Variants in SPATA16 observed in about 807,000 individuals in gnomAD.
SPATA16 encodes spermatogenesis associated 16, also known as spermatogenesis-associated protein 16.
Under a neutral mutation model 63.3 loss-of-function variants are expected in SPATA16, and 36 were observed. The ratio of observed to expected loss-of-function variants is 0.57; its 90% CI spans 0.44 to 0.75. The LOEUF (loss-of-function observed/expected upper bound fraction) is 0.75. Among genes scored for constraint, SPATA16 ranks in the 30% least tolerant of loss-of-function variants. The probability of loss-of-function intolerance (pLI) is 0.00; values close to 1 mark genes in which losing one functional copy is unlikely to be tolerated. For missense variants in SPATA16, 646 were observed against 679.3 expected (o/e 0.95, Z 0.54); for synonymous variants, 203 against 216.7 (o/e 0.94, Z 0.56).
At chr3:172,989,649 A>G (rs1734532346) in intron 4 of SPATA16, among the ~76,000 whole-genome samples, 1 of 152,218 alleles carries the variant, frequency 6.6e-6, no homozygotes, top group African/African-American at 2.4e-5. Flanking sequence ...CAGAAGGAGT[A>G]AATGCCCTGT....
chr3:173,123,423 G>A (rs1213431671), intron 1 of SPATA16, among the ~76,000 whole-genome samples: 1 of 151,916 alleles, frequency 6.6e-6, no homozygotes, highest in African/African-American at 2.4e-5. Flanking sequence ...TGCACCCCAA[G>A]TTGATTGGGA....
At chr3:173,015,861 G>GGTGTGT (rs57049586) in intron 4 of SPATA16, among the ~76,000 whole-genome samples, 55 of 148,846 alleles carry the variant, frequency 3.7e-4, no homozygotes, top group South Asian at 8.7e-4. Flanking sequence ...TCCCAAATGG[G>GGTGTGT]GTGTGTGTGT....
chr3:172,924,141 C>T lies in SPATA16; in HGVS notation c.1338+67G>A, dbSNP rs1485942820. Reference sequence around the variant, plus strand: ...ACACTTGCACTATTTGCCATGTAAGCCTTATATACTTCTAGAATTCTCTAA... The same window carrying T: ...ACACTTGCACTATTTGCCATGTAAGTCTTATATACTTCTAGAATTCTCTAA... On this transcript the variant is annotated intron_variant, in intron 8 of 10. Coordinates refer to ENST00000351008, the MANE Select transcript of SPATA16 (RefSeq NM_031955.6). The T allele has an allele frequency of 5.4e-6, 7 of 1,285,054 alleles. No individual in the cohort carries two copies. The South Asian group carries it at 6.0e-5, about 11-fold the overall frequency. 79.6% of individuals were successfully genotyped at this position (1,285,054 alleles called of 1,614,324 possible).
chr3:172,977,420 C>G (rs1577115312), intron 4 of SPATA16, among the ~76,000 whole-genome samples: 4 of 152,236 alleles, frequency 2.6e-5, no homozygotes, highest in East Asian at 1.9e-4. Context: ...GCTCTTCAAA[C>G]CTAGCATAGC....
rs1560057740 is a variant in SPATA16 at position 172,889,703 on chromosome 3, T to C, written c.1588-11A>G. 6.2e-7 allele frequency: 1 copy of C among 1,612,222 alleles called. No homozygotes were observed. The highest frequency in any genetic ancestry group is 1.7e-5 in the Admixed American group (1 of 59,958). ...TTCAATTTGTCCAACCTAGAAGAAA[T>C]AAACAGATGCAACAAGATTTGTTGT... On this transcript the variant is annotated splice_polypyrimidine_tract_variant and intron_variant, in intron 10 of 10. Transcript: ENST00000351008.
At chr3:173,046,578 C>T (rs1397186746) in intron 3 of SPATA16, among the ~76,000 whole-genome samples, 2 of 151,864 alleles carry the variant, frequency 1.3e-5, no homozygotes, top group Non-Finnish European at 2.9e-5. Flanking sequence ...GATGCTTCAG[C>T]AAATGCAAAT....
chr3:173,027,974 T>TCCCTCCCTCC (rs1735490836), intron 3 of SPATA16, among the ~76,000 whole-genome samples: 3 of 23,416 alleles, frequency 1.3e-4, no homozygotes, highest in East Asian at 2.4e-3. Flanking sequence ...ATTTATTTTT[T>TCCCTCCCTCC]CTCCCTCCCT....
At chr3:172,976,113 A>C (rs73175087) in intron 5 of SPATA16, among the ~76,000 whole-genome samples, 1 of 152,060 alleles carries the variant, frequency 6.6e-6, no homozygotes, top group African/African-American at 2.4e-5. Flanking sequence ...TGGAGGAGAA[A>C]GTTGGCTTTT....
At chr3:172,958,994 G>T (rs1265636069) in intron 5 of SPATA16, among the ~76,000 whole-genome samples, 3 of 152,156 alleles carry the variant, frequency 2.0e-5, no homozygotes, top group African/African-American at 7.2e-5. Context: ...GAGAGGTACA[G>T]TTCAGCCCAT....
intron 2 of SPATA16, among the ~76,000 whole-genome samples, chr3:173,055,671 G>A (rs974951511): frequency 6.6e-6 from 1 of 152,160 alleles, no homozygotes; most frequent in African/African-American, 2.4e-5. Context: ...AATGTATCTT[G>A]AATTTGGTAG....
At chr3:172,976,717 C>G (rs569407967) in intron 5 of SPATA16, among the ~76,000 whole-genome samples, 236 of 152,050 alleles carry the variant, frequency 1.6e-3, no homozygotes, top group Middle Eastern at 0.01. Flanking sequence ...AAAAGTAGTT[C>G]CTGGGATCTC....
At chr3:173,119,727 C>G (rs1177631250) in intron 1 of SPATA16, among the ~76,000 whole-genome samples, 1 of 139,178 alleles carries the variant, frequency 7.2e-6, no homozygotes, top group Admixed American at 7.4e-5. Context: ...ACAGGCCCCA[C>G]CAACAGCTCC....
At chr3:172,998,023 G>A (rs764953467) in intron 4 of SPATA16, among the ~76,000 whole-genome samples, 47 of 151,984 alleles carry the variant, frequency 3.1e-4, no homozygotes, top group Non-Finnish European at 5.3e-4. Context: ...ACTATTCTGG[G>A]TCTTCTACCT....
chr3:173,116,426 G>A (rs1051062978), intron 2 of SPATA16, among the ~76,000 whole-genome samples: 4 of 152,188 alleles, frequency 2.6e-5, no homozygotes, highest in African/African-American at 2.4e-5. Context: ...TATAGGTACA[G>A]TATGTCATGA....
chr3:172,977,489 G>T (rs1412325619), intron 4 of SPATA16, among the ~76,000 whole-genome samples: 1 of 152,038 alleles, frequency 6.6e-6, no homozygotes, highest in Admixed American at 6.6e-5. Context: ...CCTGAGTTAA[G>T]TATTATTCAC....
rs1213300635 is a variant in SPATA16, at chr3:173,099,482, G to C, written c.612+17638C>G. Reference sequence around the variant, plus strand: ...TTTCAGGAATCCCCTGGGGGTCTTGGTATGTATCTCCTGAGGATAAAGGTA... The same window carrying C: ...TTTCAGGAATCCCCTGGGGGTCTTGCTATGTATCTCCTGAGGATAAAGGTA... On this transcript the variant is annotated intron_variant, in intron 2 of 10. Coordinates refer to ENST00000351008, the MANE Select transcript of SPATA16 (RefSeq NM_031955.6). Among the ~76,000 whole-genome samples, 4 of 152,078 alleles carry C rather than the reference G, an allele frequency of 2.6e-5. No individual in the cohort carries two copies. The East Asian group carries it at 7.7e-4, about 29-fold the overall frequency.
intron 4 of SPATA16, among the ~76,000 whole-genome samples, chr3:173,004,272 G>A (rs1577127465): frequency 1.3e-5 from 2 of 152,198 alleles, no homozygotes; most frequent in African/African-American, 4.8e-5. Context: ...GAAAGAAGGG[G>A]AGTTGGAGTC....
chr3:173,000,692 A>G (rs1437011850), intron 4 of SPATA16, among the ~76,000 whole-genome samples: 3 of 147,620 alleles, frequency 2.0e-5, no homozygotes, highest in Admixed American at 2.0e-4. Context: ...TTTGTCCCAC[A>G]GTTCTTGGAT....
intron 6 of SPATA16, among the ~76,000 whole-genome samples, chr3:172,953,351 G>C (rs1013451455): frequency 1.3e-5 from 2 of 152,146 alleles, no homozygotes; most frequent in Non-Finnish European, 2.9e-5. Flanking sequence ...AAAAATGGCA[G>C]AGTAACATAG....
Sources: allele counts gnomAD v4.1 joint callset (sites outside exome capture counted in the v4.1 genomes callset), GRCh38; gene constraint gnomAD v4.1.1; transcripts MANE v1.5; gene names NCBI Gene and HGNC (gene_info 2026-07-23, HGNC 2026-07-21).